TTC23L: variants seen among roughly 807,000 people sequenced by gnomAD.
TTC23L encodes tetratricopeptide repeat protein 23-like.
A neutral mutation model predicts 48.1 loss-of-function variants in TTC23L; 42 were observed. The observed-to-expected ratio is 0.87, with a 90% CI of 0.68 to 1.13. The LOEUF (loss-of-function observed/expected upper bound fraction) is 1.13. Among genes scored for constraint, TTC23L ranks in the 50% most tolerant of loss-of-function variants. The pLI, the probability that TTC23L is intolerant of heterozygous loss-of-function variation, is 0.00. For missense variants in TTC23L, 391 were observed against 421.0 expected (o/e 0.93, Z 0.62); for synonymous variants, 159 against 157.2 (o/e 1.01, Z -0.09).
chr5:34,922,163 T>C, the TTC23L span: 1 of 1,011,012 alleles, frequency 9.9e-7, no homozygotes, highest in South Asian at 1.5e-5. Flanking sequence ...ATATAATTAC[T>C]TTAGTTCTCA....
At chr5:34,876,740 C>G (rs1486749458) in intron 8 of TTC23L, among the ~76,000 whole-genome samples, 2 of 151,946 alleles carry the variant, frequency 1.3e-5, no homozygotes, top group East Asian at 3.9e-4. Context: ...CCAACATTAC[C>G]CTAATTCCAA....
the TTC23L span, chr5:34,907,829 G>A: frequency 6.6e-6 from 1 of 152,080 alleles, no homozygotes; most frequent in Non-Finnish European, 1.5e-5. Flanking sequence ...CAGAACATTT[G>A]CAAGGAAATC....
chr5:34,902,111 G>A (rs971175530), downstream of TTC23L, among the ~76,000 whole-genome samples: 34 of 152,120 alleles, frequency 2.2e-4, no homozygotes, highest in Non-Finnish European at 4.7e-4. Flanking sequence ...TCTTTTCCCA[G>A]TTGTCTAACT....
At chr5:34,924,360 A>T in the TTC23L span, among the ~76,000 whole-genome samples, 180 of 152,378 alleles carry the variant, frequency 1.2e-3, no homozygotes, top group African/African-American at 4.2e-3. Flanking sequence ...AATAGATAAC[A>T]TAAATATTTG....
At chr5:34,860,255 C>G (rs1263362483) in intron 4 of TTC23L, among the ~76,000 whole-genome samples, 1 of 152,192 alleles carries the variant, frequency 6.6e-6, no homozygotes, top group East Asian at 1.9e-4. Flanking sequence ...CATACATACA[C>G]ACACTTGCTT....
intron 2 of TTC23L, among the ~76,000 whole-genome samples, chr5:34,841,535 T>C (rs1388651390): frequency 6.6e-6 from 1 of 152,200 alleles, no homozygotes; most frequent in Non-Finnish European, 1.5e-5. Context: ...TGTTTCGTTT[T>C]TAGAGACAGC....
At chr5:34,911,573 G>A in the TTC23L span, 6 of 1,614,066 alleles carry the variant, frequency 3.7e-6, no homozygotes, top group Non-Finnish European at 5.1e-6. Flanking sequence ...GGCTTGTCAG[G>A]AGACATGGTA....
chr5:34,915,301 C>T, the TTC23L span: 1 of 271,838 alleles, frequency 3.7e-6, no homozygotes, highest in Non-Finnish European at 7.0e-6. Flanking sequence ...GATGGCGGGG[C>T]GGGCCCGGAG....
chr5:34,899,490 C>T (rs1763428094), downstream of TTC23L: 1 of 152,644 alleles, frequency 6.6e-6, no homozygotes, highest in African/African-American at 2.4e-5. Flanking sequence ...TTTCTCAACA[C>T]TGATAGCAGT....
intron 8 of TTC23L, among the ~76,000 whole-genome samples, chr5:34,871,905 T>A (rs1203464790): frequency 6.6e-6 from 1 of 151,974 alleles, no homozygotes; most frequent in African/African-American, 2.4e-5. Context: ...CAAAAAAAAA[T>A]TGGACTCTTA....
chr5:34,862,404 G>A (rs1760739537), intron 4 of TTC23L, among the ~76,000 whole-genome samples: 1 of 152,152 alleles, frequency 6.6e-6, no homozygotes, highest in South Asian at 2.1e-4. Flanking sequence ...AGCATTCTAT[G>A]GCATAACCTA....
At chr5:34,918,040 G>A in the TTC23L span, 12 of 175,898 alleles carry the variant, frequency 6.8e-5, 1 homozygote, top group Middle Eastern at 2.3e-3. Flanking sequence ...GGCCAGGTGC[G>A]GTGGTTCTTA....
chr5:34,845,069 G>C (rs899038040), intron 2 of TTC23L, among the ~76,000 whole-genome samples: 1 of 152,160 alleles, frequency 6.6e-6, no homozygotes, highest in Non-Finnish European at 1.5e-5. Context: ...ATTTGTAGAA[G>C]AAGAAGCCCT....
chr5:34,924,766 A>T, the TTC23L span: 1 of 860,116 alleles, frequency 1.2e-6, no homozygotes, highest in South Asian at 1.9e-5. Flanking sequence ...TTTCAGGCAC[A>T]TTTATAATGA....
intron 8 of TTC23L, chr5:34,869,325 G>A: frequency 3.8e-6 from 1 of 259,764 alleles, no homozygotes. Context: ...AGTATCGGTT[G>A]ATAAGGACAT....
chr5:34,860,220 C>A (rs574665719), intron 4 of TTC23L, among the ~76,000 whole-genome samples: 1 of 152,196 alleles, frequency 6.6e-6, no homozygotes, highest in African/African-American at 2.4e-5. Context: ...TGTATCCACC[C>A]AACCTCATCC....
At chr5:34,916,497 G>A in the TTC23L span, 1 of 152,232 alleles carries the variant, frequency 6.6e-6, no homozygotes, top group Non-Finnish European at 1.5e-5. Context: ...AGATTGCAAA[G>A]ATGACTAGAA....
the TTC23L span, chr5:34,918,508 A>G: frequency 1.5e-5 from 18 of 1,195,300 alleles, no homozygotes; most frequent in Middle Eastern, 1.4e-3. Flanking sequence ...AGAAATTTCT[A>G]TCTATAAACT....
At chr5:34,925,002 T>C in the TTC23L span, 1 of 1,607,408 alleles carries the variant, frequency 6.2e-7, no homozygotes, top group Non-Finnish European at 8.5e-7. Flanking sequence ...TTCAGTAGTC[T>C]TCAATGTACC....
Sources: allele counts gnomAD v4.1 joint callset (sites outside exome capture counted in the v4.1 genomes callset), GRCh38; gene constraint gnomAD v4.1.1; transcripts MANE v1.5; gene names NCBI Gene and HGNC (gene_info 2026-07-23, HGNC 2026-07-21).